Variants in BRD1 observed in about 807,000 individuals in gnomAD.
BRD1 encodes the protein bromodomain containing 1.
A neutral mutation model predicts 107.7 loss-of-function variants in BRD1; 24 were observed. The observed-to-expected ratio is 0.22, with a 90% confidence interval of 0.16 to 0.31. The LOEUF is 0.31. BRD1 is among the 10% of genes least tolerant of loss of function. The pLI, the probability that BRD1 is intolerant of heterozygous loss-of-function variation, is 1.00. For synonymous variants in BRD1, 744 were observed against 686.1 expected, an observed-to-expected ratio of 1.08 and a Z score of -1.32; for missense variants, 1,279 against 1,638.6, an observed-to-expected ratio of 0.78 and a Z score of 3.79.
At position 49,787,758 on chromosome 22, in the gene BRD1, CTT is replaced by C; in HGVS notation, c.2487_2488del (p.Arg830SerfsTer4). 6.4e-7 allele frequency: 1 copy of C among 1,550,892 alleles called. No homozygotes were observed. On this transcript the variant is annotated frameshift_variant, in exon 8 of 13. Coordinates refer to ENST00000404760, the MANE Select transcript of BRD1 (RefSeq NM_001304808.3). LOFTEE classifies it high-confidence loss of function. The stretch of plus-strand genomic sequence containing the variant: ...ATGTGATTCATTATCAAATGTGACT[CTT>C]TTGAAAAGTTTACTCTGCTCTGGGT...
rs181267276 is a variant in BRD1 at position 49,793,108 on chromosome 22, G to A, written c.2359+926C>T. 1.1e-4 allele frequency among the ~76,000 whole-genome samples: 17 copies of A among 152,364 alleles called. No homozygotes were observed. In the East Asian group the frequency reaches 3.3e-3, roughly 29 times the overall value. ...CAGCTGCCAATGTTGTGGCAAGAGG[G>A]TCTGACCCTACTGTCTGCTTCGTGT... On this transcript the variant is annotated intron_variant, in intron 7 of 12. Transcript: ENST00000404760.
intron 8 of BRD1, among the ~76,000 whole-genome samples, chr22:49,782,983 G>A (rs1011710696): frequency 1.5e-4 from 21 of 138,002 alleles, no homozygotes; most frequent in Admixed American, 1.3e-3. Context: ...CCATCTTGCT[G>A]GGACCTGCTC....
chr22:49,815,632 G>A (rs912327906), intron 2 of BRD1, among the ~76,000 whole-genome samples: 1 of 152,120 alleles, frequency 6.6e-6, no homozygotes, highest in African/African-American at 2.4e-5. Context: ...GCCTGCACCA[G>A]GAAGGGCTCT....
Position 49,792,942 on chromosome 22 carries a change from C to T in BRD1, c.2359+1092G>A, listed in dbSNP as rs1020189494. Among the ~76,000 whole-genome samples the T allele has an allele frequency of 6.6e-6, 1 of 152,196 alleles. No homozygotes were observed. Among genetic ancestry groups the T allele is most frequent in the Non-Finnish European group, 1.5e-5 (1 of 68,034 alleles). On this transcript the variant is annotated intron_variant, in intron 7 of 12. Coordinates refer to ENST00000404760, the MANE Select transcript of BRD1 (RefSeq NM_001304808.3). The surrounding 1 kb of genome is among the most constrained non-coding windows in gnomAD (Gnocchi z 4.2). ...TGACCTGTGTGGCATCATGAAGACA[C>T]TGCGTCACTCCGAGCACAGACGTCC...
intron 6 of BRD1, among the ~76,000 whole-genome samples, chr22:49,796,765 G>T (rs1378261067): frequency 6.6e-6 from 1 of 152,258 alleles, no homozygotes; most frequent in East Asian, 1.9e-4. Flanking sequence ...GCCATGAGGG[G>T]AACAGAGGGC....
At chr22:49,820,267 T>A (rs1454432319) in intron 2 of BRD1, among the ~76,000 whole-genome samples, 1 of 152,240 alleles carries the variant, frequency 6.6e-6, no homozygotes, top group Non-Finnish European at 1.5e-5. Flanking sequence ...ATCCTCTTTC[T>A]CTAAAATCTC....
rs899069202 is a variant in BRD1 at position 49,824,962 on chromosome 22, A to G, written c.-14-631T>C. ...CTATAGACAGGCCCTCCACACGCAC[A>G]ACACGGCACAGGGGACCAACAGGGG... On this transcript the variant is annotated intron_variant, in intron 1 of 12. Coordinates refer to ENST00000404760, the MANE Select transcript of BRD1 (RefSeq NM_001304808.3). This position sits in a 1 kb window ranked among gnomAD's most constrained non-coding sequence, Gnocchi z 5.9. Among the ~76,000 whole-genome samples the G allele has an allele frequency of 2.6e-5, 4 of 152,118 alleles. No homozygotes were observed. The highest frequency in any genetic ancestry group is 1.3e-4 in the Admixed American group (2 of 15,286).
chr22:49,808,830 A>G (rs571244914), intron 2 of BRD1, among the ~76,000 whole-genome samples: 1 of 152,358 alleles, frequency 6.6e-6, no homozygotes, highest in Admixed American at 6.5e-5. Context: ...CATCAGAAGA[A>G]AAAGTGAGCC....
At position 49,798,063 on chromosome 22, in the gene BRD1, T is replaced by A. The variant is rs766030440; in HGVS notation, c.1840A>T (p.Lys614Ter). 6.2e-7 allele frequency: 1 copy of A among 1,614,046 alleles called. No homozygotes were observed. Among genetic ancestry groups the A allele is most frequent in the Non-Finnish European group, 8.5e-7 (1 of 1,179,876 alleles). ...TTATACCCTTGAGCTTCTAACCGTT[T>A]CCTCATTGTGGCAAAGTCCATGGGA... The part of the protein sequence containing the change: ...KHPMDFATMR[K>*]RLEAQGYKNL... The change falls in exon 6 of 13, where the codon AAA becomes TAA. Residue 614 changes from lysine (K) to a stop codon, truncating the protein, a stop_gained. Transcript: ENST00000404760. LOFTEE classifies it high-confidence loss of function.
chr22:49,775,871 C>CT, intron 11 of BRD1, 126 bp from the exon 12 acceptor site: 4 of 1,252,576 alleles, frequency 3.2e-6, no homozygotes, highest in Non-Finnish European at 4.3e-6. Flanking sequence ...ACCCCCACGC[C>CT]CCCCTCGCCG....
At position 49,824,229 on chromosome 22, in the gene BRD1, G is replaced by A. The variant is rs1331474742; in HGVS notation, c.89C>T (p.Thr30Met). The A allele has an allele frequency of 2.5e-6, 4 of 1,613,978 alleles. No homozygotes were observed. Among genetic ancestry groups the A allele is most frequent in the Admixed American group, 1.7e-5 (1 of 60,016 alleles). ...CSVKHSPTRETLTYAQAQRMV... is the reference protein window; with the variant it reads ...CSVKHSPTREMLTYAQAQRMV... Reference sequence around the variant, plus strand: ...CCTTTGAGCTTGAGCGTAGGTCAGCGTTTCTCGCGTAGGGGAGTGTTTAAC... The same window carrying A: ...CCTTTGAGCTTGAGCGTAGGTCAGCATTTCTCGCGTAGGGGAGTGTTTAAC... The change falls in exon 2 of 13, where the codon ACG (threonine) becomes ATG (methionine). Residue 30 changes from threonine to methionine, a missense_variant. By Grantham distance (81) the Thr-to-Met change is moderately conservative. Coordinates refer to ENST00000404760, the MANE Select transcript of BRD1 (RefSeq NM_001304808.3). This position sits in a 1 kb window ranked among gnomAD's most constrained non-coding sequence, Gnocchi z 5.9.
In BRD1 at chr22:49,787,656, G is replaced by A. The variant is rs1176182134; in HGVS notation, c.2591C>T (p.Ala864Val). Residue 864 changes from alanine (A) to valine (V), a missense_variant, in exon 8 of 13, where the codon GCG (alanine) becomes GTG (valine). Ala to Val is a moderately conservative substitution (Grantham distance 64). This residue lies in a region of BRD1 where 406 missense variants were observed against 519.4 expected (regional missense o/e 0.78). Transcript: ENST00000404760. The stretch of plus-strand genomic sequence containing the variant: ...CTCCGCCACCGCGGAGGCCGCCGCC[G>A]CCGGCACATCGCCACTACTGGCGCG... ...PTRASSGDVP[A>V]AAASAVAEPA... is the part of the protein sequence containing the mutation. The A allele has an allele frequency of 6.4e-6, 10 of 1,550,630 alleles. No individual in the cohort carries two copies. The highest frequency in any genetic ancestry group is 1.7e-4 in the Middle Eastern group (1 of 5,992).
chr22:49,810,533 A>G (rs972992490), intron 2 of BRD1, among the ~76,000 whole-genome samples: 2 of 152,240 alleles, frequency 1.3e-5, no homozygotes, highest in African/African-American at 2.4e-5. Flanking sequence ...GAATAAAACA[A>G]TAAGATGACC....
rs1218399639 is a variant in BRD1, at chr22:49,774,161, A to T, written c.*72T>A. On this transcript the variant is annotated 3_prime_UTR_variant, in exon 13 of 13. Transcript: ENST00000404760. The stretch of plus-strand genomic sequence containing the variant: ...TATAACTAAAAATCAGAATAAGTTA[A>T]GTTTTGAACAATATACAAACATGTA... 29 of 1,455,468 alleles carry T rather than the reference A, an allele frequency of 2.0e-5. No homozygotes were observed. The highest frequency in any genetic ancestry group is 3.7e-6 in the Non-Finnish European group (4 of 1,095,760). The allele number at this position is 1,455,468 out of a possible 1,614,324, so 90.2% of individuals were successfully genotyped here. A position where few individuals can be genotyped will look rare whatever the true frequency, so the allele number is the denominator to read the frequency against.
intron 2 of BRD1, among the ~76,000 whole-genome samples, chr22:49,822,695 G>A (rs1251686131): frequency 6.6e-6 from 1 of 151,856 alleles, no homozygotes; most frequent in Non-Finnish European, 1.5e-5. Context: ...GGGCGACAGA[G>A]TAAAACTCCG....
chr22:49,796,377 G>A (rs1472976018), intron 6 of BRD1, among the ~76,000 whole-genome samples: 4 of 145,028 alleles, frequency 2.8e-5, no homozygotes, highest in Middle Eastern at 4.0e-3. Flanking sequence ...TTTTTTTGGA[G>A]ATAGGGTCTC....
chr22:49,826,057 G>A (rs537362062), intron 1 of BRD1: 1 of 548,582 alleles, frequency 1.8e-6, no homozygotes, highest in African/African-American at 2.0e-5. Context: ...CTGCAGAGGT[G>A]ACACCACAGC....
chr22:49,826,322 A>C, intron 1 of BRD1: 47 of 933,544 alleles, frequency 5.0e-5, no homozygotes, highest in Non-Finnish European at 5.6e-5. Flanking sequence ...CAGCAGCTCC[A>C]TACCCTCAAC....
intron 8 of BRD1, among the ~76,000 whole-genome samples, chr22:49,782,143 G>A (rs990170714): frequency 6.1e-5 from 8 of 130,730 alleles, no homozygotes; most frequent in Admixed American, 2.4e-4. Flanking sequence ...GCCTGCACGA[G>A]ACCTGCTCTT....
Sources: allele counts gnomAD v4.1 joint callset (sites outside exome capture counted in the v4.1 genomes callset), GRCh38; gene constraint gnomAD v4.1.1; regional missense constraint gnomAD v4.1.1; non-coding constraint Gnocchi (gnomAD v3.1); transcripts MANE v1.5; gene names NCBI Gene and HGNC (gene_info 2026-07-23, HGNC 2026-07-21).